The following ZBTB3 variants were observed in gnomAD, a reference collection of about 807,000 sequenced individuals.
ZBTB3 encodes the protein zinc finger and BTB domain containing 3, also known as zinc finger and BTB domain-containing protein 3.
A neutral mutation model predicts 30.6 loss-of-function variants in ZBTB3; 15 were observed. The ratio of observed to expected loss-of-function variants is 0.49; its 90% confidence interval spans 0.33 to 0.75. ZBTB3 has a LOEUF of 0.75. ZBTB3 is among the 30% of genes least tolerant of loss of function. The pLI is 0.02. For synonymous variants in ZBTB3, 258 were observed against 261.7 expected (o/e 0.99, Z 0.14); for missense variants, 599 against 652.1 (o/e 0.92, Z 0.89).
chr11:62,753,171 T>C lies in ZBTB3; in HGVS notation c.494A>G (p.His165Arg). The stretch of plus-strand genomic sequence containing the variant: ...GCCTTTCCATTCCCCTTTGCCCCAG[T>C]GGCCTGATGTCTCAGCAGATGCCAA... ...PSLASAETSG[H>R]WGKGEWKGSA... is the part of the protein sequence containing the mutation. The change falls in exon 2 of 2, where the codon CAC (histidine) becomes CGC (arginine). Residue 165 changes from histidine (H) to arginine (R), a missense_variant. By Grantham distance (29) the His-to-Arg change is conservative. Transcript: ENST00000394807. The C allele has an allele frequency of 6.2e-7, 1 of 1,614,176 alleles. No homozygotes were observed. Among genetic ancestry groups the C allele is most frequent in the Non-Finnish European group, 8.5e-7 (1 of 1,180,042 alleles).
chr11:62,753,069 C>A lies in ZBTB3; in HGVS notation c.596G>T (p.Gly199Val), dbSNP rs750718381. ...MSSGADTTQP[G>V]MEVDAPHLRA... Reference sequence around the variant, plus strand: ...CAGATGTGGTGCGTCAACCTCCATGCCAGGCTGTGTAGTGTCAGCCCCACT... The same window carrying A: ...CAGATGTGGTGCGTCAACCTCCATGACAGGCTGTGTAGTGTCAGCCCCACT... The change falls in exon 2 of 2, where the codon GGC (glycine) becomes GTC (valine). Residue 199 changes from glycine (G) to valine (V), a missense_variant. Physicochemically the swap from Gly to Val is moderately radical, Grantham distance 109. Coordinates refer to ENST00000394807, the MANE Select transcript of ZBTB3 (RefSeq NM_001370809.1). The A allele has an allele frequency of 6.2e-7, 1 of 1,614,182 alleles. No individual in the cohort carries two copies. Among genetic ancestry groups the A allele is most frequent in the South Asian group, 1.1e-5 (1 of 91,086 alleles).
chr11:62,753,787 G>T, intron 1 of ZBTB3, 72 bp from the exon 2 acceptor site: 1 of 1,541,696 alleles, frequency 6.5e-7, no homozygotes. Context: ...ACTATCACTT[G>T]CCACTCCAAA....
In ZBTB3 at chr11:62,754,006, C is replaced by G. The variant is rs773923711; in HGVS notation, c.-94G>C. The G allele has an allele frequency of 9.3e-6, 15 of 1,614,094 alleles. No homozygotes were observed. The highest frequency in any genetic ancestry group is 1.3e-5 in the Non-Finnish European group (15 of 1,180,024). ...CTCCACGAAGTAGAGATCTTTTTCG[C>G]TCCCAGGCCTTGCCAGGCGATGCCT... is the stretch of plus-strand genomic sequence containing the variant. On this transcript the variant is annotated 5_prime_UTR_variant, in exon 1 of 2. Transcript: ENST00000394807.
chr11:62,753,855 T>C, intron 1 of ZBTB3, 109 bp downstream of exon 1: 1 of 1,551,486 alleles, frequency 6.4e-7, no homozygotes, highest in Non-Finnish European at 8.7e-7. Flanking sequence ...GCTCTCCCAT[T>C]AGCTCCGCCC....
At position 62,751,783 on chromosome 11, in the gene ZBTB3, AAATT is replaced by A. The variant is rs1180992234; in HGVS notation, c.*303_*306del. The A allele has an allele frequency of 5.2e-6, 1 of 194,118 alleles. No individual in the cohort carries two copies. The highest frequency in any genetic ancestry group is 1.1e-5 in the Non-Finnish European group (1 of 94,764). The allele number at this position is 194,118 out of a possible 1,614,324, so 12.0% of individuals were successfully genotyped here. A position where few individuals can be genotyped will look rare whatever the true frequency, so the allele number is the denominator to read the frequency against. ...CCCTGTCTCTACTAAAAATCAAAAA[AAATT>A]AGCCAGGCATGGTGATAGGCGCCTG... On this transcript the variant is annotated 3_prime_UTR_variant, in exon 2 of 2. Transcript: ENST00000394807.
At position 62,753,292 on chromosome 11, in the gene ZBTB3, C is replaced by T; in HGVS notation, c.373G>A (p.Ala125Thr). 1.2e-6 allele frequency: 2 copies of T among 1,614,132 alleles called. No individual in the cohort carries two copies. Among genetic ancestry groups the T allele is most frequent in the African/African-American group, 1.3e-5 (1 of 75,042 alleles). ...TCCTTCTTGGTACTGTCTGCCTCTG[C>T]CAGGGCCCGGGCTTGAAGCCGCCGC... Reference protein sequence around the residue: ...CKRRLQARALAEADSTKKEEE... With the variant: ...CKRRLQARALTEADSTKKEEE... Residue 125 changes from alanine to threonine, a missense_variant, in exon 2 of 2, where the codon GCA becomes ACA. Physicochemically the swap from Ala to Thr is moderately conservative, Grantham distance 58 (BLOSUM62 0). Transcript: ENST00000394807.
chr11:62,753,375 T>C lies in ZBTB3; in HGVS notation c.290A>G (p.Glu97Gly). 1 of 1,614,050 alleles carries C rather than the reference T, an allele frequency of 6.2e-7. No individual in the cohort carries two copies. The highest frequency in any genetic ancestry group is 8.5e-7 in the Non-Finnish European group (1 of 1,180,002). The change falls in exon 2 of 2, where the codon GAG (glutamate) becomes GGG (glycine). Residue 97 changes from glutamate (E) to glycine (G), a missense_variant. Physicochemically the swap from Glu to Gly is moderately conservative, Grantham distance 98 (BLOSUM62 -2). Coordinates refer to ENST00000394807, the MANE Select transcript of ZBTB3 (RefSeq NM_001370809.1). Reference sequence around the variant, plus strand: ...GTAGCTGGCAGCTGCCAGCACATCCTCCACAGGGGTATCCCCTCTCAGGGT... The same window carrying C: ...GTAGCTGGCAGCTGCCAGCACATCCCCCACAGGGGTATCCCCTCTCAGGGT... ...QLTLRGDTPV[E>G]DVLAAASYLH...
In ZBTB3 at chr11:62,753,015, ACAT is replaced by A; in HGVS notation, c.647_649del (p.Asp216del). On this transcript the variant is annotated inframe_deletion, in exon 2 of 2. Transcript: ENST00000394807. ...GGAGCTACTAGGGCTGGCAAGAGAGACATCAGCCACTGGTGGATGAGGTGCCCG... is the reference window on the plus strand; with the variant it reads ...GGAGCTACTAGGGCTGGCAAGAGAGACAGCCACTGGTGGATGAGGTGCCCG... 2 of 1,614,080 alleles carry A rather than the reference ACAT, an allele frequency of 1.2e-6. No homozygotes were observed. The highest frequency in any genetic ancestry group is 1.7e-6 in the Non-Finnish European group (2 of 1,179,996).
In ZBTB3 at chr11:62,752,132, C is replaced by T; in HGVS notation, c.1533G>A (p.Gly511=). The change falls in exon 2 of 2, where the codon GGG becomes GGA. Residue 511 remains glycine, a synonymous_variant. Transcript: ENST00000394807. ...TADRQSSSGG[G]PPKDFVLAPK... ...GGGCCAATACAAAATCTTTAGGTGGCCCTCCACCACTGCTGCTCTGTCTGT... is the reference window on the plus strand; with the variant it reads ...GGGCCAATACAAAATCTTTAGGTGGTCCTCCACCACTGCTGCTCTGTCTGT... 6.2e-7 allele frequency: 1 copy of T among 1,613,308 alleles called. No individual in the cohort carries two copies.
chr11:62,753,853 A>AT, intron 1 of ZBTB3, 111 bp downstream of exon 1: 2 of 1,551,426 alleles, frequency 1.3e-6, no homozygotes, highest in Admixed American at 3.7e-5. Flanking sequence ...AAGCTCTCCC[A>AT]TTAGCTCCGC....
rs1440693184 is a variant in ZBTB3 at position 62,751,231 on chromosome 11, TCTCTACTAAAAATACAGGAATTA to T, written c.*836_*858del. 1 of 152,208 alleles carries T rather than the reference TCTCTACTAAAAATACAGGAATTA, an allele frequency of 6.6e-6. No individual in the cohort carries two copies. The highest frequency in any genetic ancestry group is 1.5e-5 in the Non-Finnish European group (1 of 68,108). The allele number at this position is 152,208 out of a possible 1,614,324, so 9.4% of individuals were successfully genotyped here. On this transcript the variant is annotated 3_prime_UTR_variant, in exon 2 of 2. Coordinates refer to ENST00000394807, the MANE Select transcript of ZBTB3 (RefSeq NM_001370809.1). ...GCCTGGCCAACATGGTGAAACCCTGTCTCTACTAAAAATACAGGAATTAGCTGGGCGTGGTGGCGCGTTCCTGT... is the reference window on the plus strand; with the variant it reads ...GCCTGGCCAACATGGTGAAACCCTGTGCTGGGCGTGGTGGCGCGTTCCTGT...
At chr11:62,753,832 G>C in intron 1 of ZBTB3, 117 bp from the exon 2 acceptor site, 1 of 1,531,546 alleles carries the variant, frequency 6.5e-7, no homozygotes, top group Non-Finnish European at 8.8e-7. Flanking sequence ...CTTTCTCCTA[G>C]GTCACACCCA....
At position 62,751,532 on chromosome 11, in the gene ZBTB3, A is replaced by AT. The variant is rs1450932549; in HGVS notation, c.*557_*558insA. 1.3e-5 allele frequency: 2 copies of AT among 150,196 alleles called. No homozygotes were observed. Among genetic ancestry groups the AT allele is most frequent in the South Asian group, 2.1e-4 (1 of 4,756 alleles). The allele number at this position is 150,196 out of a possible 1,614,324, so 9.3% of individuals were successfully genotyped here. A position where few individuals can be genotyped will look rare whatever the true frequency, so the allele number is the denominator to read the frequency against. ...CAGAGTGAGACTCTGTCTCAAAAAAAAAAAAAAAAAAAGGAATCGCTTGAA... is the reference window on the plus strand; with the variant it reads ...CAGAGTGAGACTCTGTCTCAAAAAAATAAAAAAAAAAAAGGAATCGCTTGAA... On this transcript the variant is annotated 3_prime_UTR_variant, in exon 2 of 2. Coordinates refer to ENST00000394807, the MANE Select transcript of ZBTB3 (RefSeq NM_001370809.1).
In ZBTB3 at chr11:62,751,956, A is replaced by C. The variant is rs1223279794; in HGVS notation, c.*134T>G. The C allele has an allele frequency of 1.1e-4, 93 of 869,844 alleles. 1 individual carries two copies. The highest frequency in any genetic ancestry group is 7.0e-5 in the Non-Finnish European group (42 of 599,890). 53.9% of individuals were successfully genotyped at this position (869,844 alleles called of 1,614,324 possible). ...TCTCAAAAAAATAAAAGATTAAAAA[A>C]AAAAAAGGGTAGGAACTTTCAGCCT... On this transcript the variant is annotated 3_prime_UTR_variant, in exon 2 of 2. Transcript: ENST00000394807.
At chr11:62,753,862 G>A (rs2084039784) in intron 1 of ZBTB3, 102 bp downstream of exon 1, 10 of 1,555,582 alleles carry the variant, frequency 6.4e-6, no homozygotes, top group Non-Finnish European at 7.8e-6. Context: ...CATTAGCTCC[G>A]CCCACCTCGG....
chr11:62,752,838 G>C lies in ZBTB3; in HGVS notation c.827C>G (p.Ser276Ter). 6.2e-7 allele frequency: 1 copy of C among 1,614,138 alleles called. No individual in the cohort carries two copies. The highest frequency in any genetic ancestry group is 1.1e-5 in the South Asian group (1 of 91,084). The change falls in exon 2 of 2, where the codon TCA becomes TGA. Residue 276 changes from serine to a stop codon, truncating the protein, a stop_gained. Coordinates refer to ENST00000394807, the MANE Select transcript of ZBTB3 (RefSeq NM_001370809.1). LOFTEE classifies it high-confidence loss of function. ...GPLQGFYPPASAPTSAPAPVS... is the reference protein window; with the variant it reads ...GPLQGFYPPA ...AGGGGCTGGGGCTGACGTTGGGGCTGAGGCTGGGGGATAGAAGCCTTGCAG... is the reference window on the plus strand; with the variant it reads ...AGGGGCTGGGGCTGACGTTGGGGCTCAGGCTGGGGGATAGAAGCCTTGCAG...
In ZBTB3 at chr11:62,751,962, A is replaced by AT; in HGVS notation, c.*127_*128insA. 2.4e-6 allele frequency: 2 copies of AT among 823,056 alleles called. No homozygotes were observed. The highest frequency in any genetic ancestry group is 3.6e-6 in the Non-Finnish European group (2 of 559,364). The allele number at this position is 823,056 out of a possible 1,614,324, so 51.0% of individuals were successfully genotyped here. A position where few individuals can be genotyped will look rare whatever the true frequency, so the allele number is the denominator to read the frequency against. Reference sequence around the variant, plus strand: ...AAAAATAAAAGATTAAAAAAAAAAAAGGGTAGGAACTTTCAGCCTGGGCAG... The same window carrying AT: ...AAAAATAAAAGATTAAAAAAAAAAAATGGGTAGGAACTTTCAGCCTGGGCAG... On this transcript the variant is annotated 3_prime_UTR_variant, in exon 2 of 2. Transcript: ENST00000394807.
Position 62,752,232 on chromosome 11 carries a change from G to C in ZBTB3, c.1433C>G (p.Ala478Gly). Residue 478 changes from alanine to glycine, a missense_variant, in exon 2 of 2, where the codon GCC (alanine) becomes GGC (glycine). Ala to Gly is a moderately conservative substitution (Grantham distance 60). Coordinates refer to ENST00000394807, the MANE Select transcript of ZBTB3 (RefSeq NM_001370809.1). ...TTCTGGATCTGGTTTGCTGCGTTTGGCCAGGTCCTCATTGTGAGCCTTGCG... is the reference window on the plus strand; with the variant it reads ...TTCTGGATCTGGTTTGCTGCGTTTGCCCAGGTCCTCATTGTGAGCCTTGCG... Reference protein sequence around the residue: ...HIRKAHNEDLAKRSKPDPEVG... With the variant: ...HIRKAHNEDLGKRSKPDPEVG... 1.9e-6 allele frequency: 3 copies of C among 1,614,202 alleles called. No homozygotes were observed. The highest frequency in any genetic ancestry group is 2.5e-6 in the Non-Finnish European group (3 of 1,180,022).
chr11:62,752,322 C>G lies in ZBTB3; in HGVS notation c.1343G>C (p.Arg448Pro). The stretch of plus-strand genomic sequence containing the variant: ...CAGGCAGTAGCGGCACTCATAGGGT[C>G]GCTCACGTGTGTGCACCGTGGCATG... ...RRHATVHTRERPYECRYCLRS... is the reference protein window; with the variant it reads ...RRHATVHTREPPYECRYCLRS... Residue 448 changes from arginine to proline, a missense_variant, in exon 2 of 2, where the codon CGA (arginine) becomes CCA (proline). By Grantham distance (103) the Arg-to-Pro change is moderately radical. Transcript: ENST00000394807. The G allele has an allele frequency of 6.2e-7, 1 of 1,614,168 alleles. No homozygotes were observed. The highest frequency in any genetic ancestry group is 8.5e-7 in the Non-Finnish European group (1 of 1,180,034).
Sources: allele counts gnomAD v4.1 joint callset, GRCh38; gene constraint gnomAD v4.1.1; transcripts MANE v1.5; gene names NCBI Gene and HGNC (gene_info 2026-07-23, HGNC 2026-07-21).